TRPC5: variants seen among roughly 807,000 people sequenced by gnomAD.
TRPC5 encodes transient receptor potential cation channel subfamily C member 5.
TRPC5 carries 9 observed loss-of-function variants against 56.5 expected under a neutral mutation model. The observed-to-expected ratio is 0.16, with a 90% CI of 0.10 to 0.28. TRPC5 has a LOEUF of 0.28. Ranked by LOEUF, TRPC5 falls within the 10% of genes least tolerant of loss-of-function variation. The pLI, the probability that TRPC5 is intolerant of heterozygous loss-of-function variation, is 1.00. For missense variants in TRPC5, 469 were observed against 748.9 expected, an observed-to-expected ratio of 0.63 and a Z score of 4.36; for synonymous variants, 282 against 278.5, an observed-to-expected ratio of 1.01 and a Z score of -0.13.
intron 1 of TRPC5, among the ~76,000 whole-genome samples, chrX:111,953,070 T>C (rs1927136143): frequency 8.9e-6 from 1 of 111,988 alleles, no homozygotes; most frequent in Non-Finnish European, 1.9e-5. Flanking sequence ...ACATCCTGGA[T>C]TGAAATCCTA....
intron 1 of TRPC5, among the ~76,000 whole-genome samples, chrX:112,038,831 A>G (rs1441410495): frequency 2.0e-5 from 2 of 102,232 alleles, no homozygotes; most frequent in Non-Finnish European, 3.9e-5. Context: ...ACAGGCGCCC[A>G]CCACCATGCC....
chrX:112,009,145 C>T (rs968332653), intron 1 of TRPC5, among the ~76,000 whole-genome samples: 3 of 111,986 alleles, frequency 2.7e-5, no homozygotes, highest in African/African-American at 6.5e-5. Flanking sequence ...TGCCTAACCA[C>T]GGGCCTTCTT....
chrX:111,770,876 C>T lies in TRPC5; in HGVS notation c.*5437G>A, dbSNP rs1158892829. Among the ~76,000 whole-genome samples the T allele has an allele frequency of 2.7e-5, 3 of 112,023 alleles. No individual in the cohort carries two copies. The highest frequency in any genetic ancestry group is 5.6e-5 in the Non-Finnish European group (3 of 53,234). ...CTTTCAAATGGCTGGCTACCTTAGG[C>T]TTAAATAAAAGGCACACTGCCACAT... On this transcript the variant is annotated 3_prime_UTR_variant, in exon 11 of 11. Coordinates refer to ENST00000262839, the MANE Select transcript of TRPC5 (RefSeq NM_012471.3).
At chrX:112,076,054 A>G (rs1411085043) in intron 1 of TRPC5, among the ~76,000 whole-genome samples, 1 of 112,324 alleles carries the variant, frequency 8.9e-6, no homozygotes, top group Non-Finnish European at 1.9e-5. Flanking sequence ...TTGTTATGGC[A>G]GCAATAGAAA....
Position 111,786,358 on chromosome X carries a change from C to A in TRPC5, c.1897-4220G>T, listed in dbSNP as rs191720249. On this transcript the variant is annotated intron_variant, in intron 7 of 10. Transcript: ENST00000262839. Reference sequence around the variant, plus strand: ...AGAAATAAAATCCTTTACAGACAAGCAAATGCTGAGAGATTTTGTCACCAC... The same window carrying A: ...AGAAATAAAATCCTTTACAGACAAGAAAATGCTGAGAGATTTTGTCACCAC... Among the ~76,000 whole-genome samples, 493 of 111,368 alleles carry A rather than the reference C, an allele frequency of 4.4e-3. 2 individuals are homozygous for A. Among genetic ancestry groups the A allele is most frequent in the African/African-American group, 0.016 (479 of 30,692 alleles).
intron 1 of TRPC5, among the ~76,000 whole-genome samples, chrX:112,068,874 T>C (rs1171950334): frequency 1.8e-5 from 2 of 111,879 alleles, no homozygotes; most frequent in Non-Finnish European, 3.8e-5. Context: ...TACTATAGTA[T>C]TCGAAAAGTA....
chrX:111,798,268 A>T (rs1039582555), intron 7 of TRPC5, among the ~76,000 whole-genome samples: 1 of 112,134 alleles, frequency 8.9e-6, no homozygotes, highest in African/African-American at 3.2e-5. Flanking sequence ...ACTGTAATAC[A>T]TACTATACTA....
At chrX:111,787,661 A>G (rs750350483) in intron 7 of TRPC5, among the ~76,000 whole-genome samples, 50 of 110,791 alleles carry the variant, frequency 4.5e-4, no homozygotes, top group Non-Finnish European at 4.9e-4. Context: ...TTGATAGACC[A>G]CTAGCAAGAC....
intron 1 of TRPC5, among the ~76,000 whole-genome samples, chrX:112,039,648 C>T (rs1445719758): frequency 9.0e-6 from 1 of 111,439 alleles, no homozygotes; most frequent in African/African-American, 3.3e-5. Context: ...TGTGCAGATC[C>T]TTTTGACAAA....
At chrX:112,071,692 T>C (rs940017769) in intron 1 of TRPC5, among the ~76,000 whole-genome samples, 2 of 112,354 alleles carry the variant, frequency 1.8e-5, no homozygotes, top group African/African-American at 6.5e-5. Flanking sequence ...ATATAACTTT[T>C]ACATCATGAA....
intron 1 of TRPC5, among the ~76,000 whole-genome samples, chrX:112,039,713 G>A (rs182687806): frequency 1.1e-3 from 119 of 111,090 alleles, no homozygotes; most frequent in Middle Eastern, 4.6e-3. Flanking sequence ...CTCTATTACC[G>A]TCATACAGAG....
chrX:111,944,341 C>T (rs183437709), intron 2 of TRPC5, among the ~76,000 whole-genome samples: 5 of 81,401 alleles, frequency 6.1e-5, no homozygotes, highest in Non-Finnish European at 9.4e-5. Context: ...AGAGAGAGAA[C>T]GAACAAGTGG....
chrX:111,781,099 A>G, intron 9 of TRPC5, 66 bp downstream of exon 9: 1 of 1,043,919 alleles, frequency 9.6e-7, no homozygotes, highest in South Asian at 1.9e-5. Context: ...GCCAGAGTGA[A>G]GTTTGCTTCT....
intron 1 of TRPC5, among the ~76,000 whole-genome samples, chrX:111,971,070 G>A (rs111276446): frequency 0.013 from 1,483 of 111,359 alleles, 25 homozygotes; most frequent in African/African-American, 0.046. Context: ...GAGTCACCGC[G>A]CCCGGCCACA....
At chrX:111,964,293 G>T (rs1248424308) in intron 1 of TRPC5, among the ~76,000 whole-genome samples, 1 of 111,769 alleles carries the variant, frequency 8.9e-6, no homozygotes, top group African/African-American at 3.3e-5. Flanking sequence ...AGAAAGAAAT[G>T]AACAAAGCCT....
At chrX:111,970,371 C>A (rs1374120242) in intron 1 of TRPC5, among the ~76,000 whole-genome samples, 1 of 111,832 alleles carries the variant, frequency 8.9e-6, no homozygotes, top group African/African-American at 3.3e-5. Flanking sequence ...TGCTTAAATG[C>A]ACTCAAGAAG....
intron 7 of TRPC5, among the ~76,000 whole-genome samples, chrX:111,799,352 G>A (rs1279795249): frequency 9.0e-6 from 1 of 111,556 alleles, no homozygotes; most frequent in East Asian, 2.8e-4. Context: ...TACCTTGCTA[G>A]TAAGGGATTG....
chrX:111,883,256 G>A (rs776924568), intron 3 of TRPC5, among the ~76,000 whole-genome samples: 7 of 112,552 alleles, frequency 6.2e-5, no homozygotes, highest in African/African-American at 1.9e-4. Flanking sequence ...CCTAGGCAAG[G>A]CCTAAGCCTA....
At chrX:111,802,232 A>G (rs191703346) in intron 7 of TRPC5, among the ~76,000 whole-genome samples, 3 of 111,351 alleles carry the variant, frequency 2.7e-5, no homozygotes, top group Middle Eastern at 4.7e-3. Flanking sequence ...CTTTATGTCA[A>G]TTCTTATGCC....
Sources: allele counts gnomAD v4.1 joint callset (sites outside exome capture counted in the v4.1 genomes callset), GRCh38; gene constraint gnomAD v4.1.1; transcripts MANE v1.5; gene names NCBI Gene and HGNC (gene_info 2026-07-23, HGNC 2026-07-21).